The following PSD3 variants were observed in gnomAD, a reference collection of about 807,000 sequenced individuals.
PSD3 encodes PH and SEC7 domain-containing protein 3.
A neutral mutation model predicts 105.5 loss-of-function variants in PSD3; 49 were observed. The observed-to-expected ratio is 0.46, with a 90% CI of 0.37 to 0.59. PSD3 has a LOEUF of 0.59. Ranked by LOEUF, PSD3 falls within the 20% of genes least tolerant of loss-of-function variation. The pLI, the probability that PSD3 is intolerant of heterozygous loss-of-function variation, is 0.00. For missense variants in PSD3, 1,561 were observed against 1,263.8 expected (o/e 1.24, Z -3.57); for synonymous variants, 557 against 457.8 (o/e 1.22, Z -2.77).
intron 4 of PSD3, chr8:18,809,009 GC>G: frequency 8.8e-7 from 1 of 1,135,180 alleles, no homozygotes; most frequent in Non-Finnish European, 1.2e-6. Context: ...GAACACAAGG[GC>G]CACTGTCTAT....
At chr8:18,893,553 T>A (rs1818948445) in intron 2 of PSD3, among the ~76,000 whole-genome samples, 1 of 152,174 alleles carries the variant, frequency 6.6e-6, no homozygotes, top group South Asian at 2.1e-4. Context: ...GTCTCAAGTA[T>A]CAAGTAAAGT....
At chr8:18,791,225 C>A (rs1055846072) in intron 8 of PSD3, among the ~76,000 whole-genome samples, 2 of 152,056 alleles carry the variant, frequency 1.3e-5, no homozygotes, top group Admixed American at 6.5e-5. Context: ...TAGAAAAAAA[C>A]TATTTTAAAA....
At chr8:18,677,932 C>T (rs1800156206) in intron 9 of PSD3, among the ~76,000 whole-genome samples, 1 of 151,214 alleles carries the variant, frequency 6.6e-6, no homozygotes, top group Non-Finnish European at 1.5e-5. Flanking sequence ...GTGGTGTGAA[C>T]CTGGGAGGCA....
In PSD3 at chr8:18,730,875, T is replaced by C. The variant is rs144178858; in HGVS notation, c.2172+34574A>G. Among the ~76,000 whole-genome samples, 653 of 152,174 alleles carry C rather than the reference T, an allele frequency of 4.3e-3. 22 individuals carry two copies. Among genetic ancestry groups the C allele is most frequent in the Admixed American group, 0.035 (530 of 15,274 alleles). ...CACTGAACAAATAAATAGCCGATAATAACATTTTAGAGTTGGCAAGATGGC... is the reference window on the plus strand; with the variant it reads ...CACTGAACAAATAAATAGCCGATAACAACATTTTAGAGTTGGCAAGATGGC... On this transcript the variant is annotated intron_variant, in intron 9 of 15. Coordinates refer to ENST00000327040, the MANE Select transcript of PSD3 (RefSeq NM_015310.4).
intron 12 of PSD3, among the ~76,000 whole-genome samples, chr8:18,577,644 G>T (rs1247508407): frequency 1.3e-5 from 2 of 151,902 alleles, no homozygotes; most frequent in African/African-American, 4.8e-5. Flanking sequence ...CATATAAGAT[G>T]GAAATTTAAA....
chr8:18,874,719 A>T, intron 2 of PSD3, among the ~76,000 whole-genome samples: 1 of 151,346 alleles, frequency 6.6e-6, no homozygotes, highest in Non-Finnish European at 1.5e-5. Context: ...AAAAAAAAAA[A>T]AAAAAATTTG....
At chr8:18,972,420 G>A (rs1824706652) in intron 1 of PSD3, among the ~76,000 whole-genome samples, 1 of 152,204 alleles carries the variant, frequency 6.6e-6, no homozygotes, top group Non-Finnish European at 1.5e-5. Context: ...TTATCACAGG[G>A]TCAGATTTTG....
At chr8:18,696,970 C>T (rs1409898068) in intron 9 of PSD3, among the ~76,000 whole-genome samples, 2 of 152,154 alleles carry the variant, frequency 1.3e-5, no homozygotes, top group African/African-American at 2.4e-5. Context: ...CACGTTGGCT[C>T]ATGTCTATAA....
intron 1 of PSD3, among the ~76,000 whole-genome samples, chr8:19,050,647 G>A (rs1362976409): frequency 6.6e-6 from 1 of 152,084 alleles, no homozygotes; most frequent in Non-Finnish European, 1.5e-5. Context: ...GAGAACACAT[G>A]GACACAGGAA....
chr8:18,688,854 A>G (rs755246394), intron 9 of PSD3, among the ~76,000 whole-genome samples: 6 of 152,260 alleles, frequency 3.9e-5, no homozygotes, highest in Non-Finnish European at 8.8e-5. Flanking sequence ...TTGCTATAAA[A>G]TAAAAGCAGG....
chr8:18,836,886 T>C lies in PSD3; in HGVS notation c.1634+30788A>G, dbSNP rs1165738614. ...TTGATCCACAGTTGGTTTAATGCGA[T>C]GTGGAACTCACAGATACCAGGGCTG... On this transcript the variant is annotated intron_variant, in intron 4 of 15. Transcript: ENST00000327040. 2.8e-5 allele frequency among the ~76,000 whole-genome samples: 4 copies of C among 145,280 alleles called. No homozygotes were observed. In the South Asian group the frequency reaches 6.5e-4, roughly 24 times the overall value.
At chr8:18,936,167 A>G (rs780803529) in intron 1 of PSD3, 25 bp from the exon 2 acceptor site, 1 of 1,495,640 alleles carries the variant, frequency 6.7e-7, no homozygotes. Flanking sequence ...CAAAACAAAG[A>G]CACATTTAAA....
intron 9 of PSD3, among the ~76,000 whole-genome samples, chr8:18,707,546 T>G (rs933727968): frequency 6.6e-6 from 1 of 152,138 alleles, no homozygotes; most frequent in African/African-American, 2.4e-5. Context: ...ATCAATGATC[T>G]TATAAAAACA....
At chr8:18,814,247 C>T (rs1193672250) in intron 4 of PSD3, among the ~76,000 whole-genome samples, 1 of 152,202 alleles carries the variant, frequency 6.6e-6, no homozygotes, top group African/African-American at 2.4e-5. Flanking sequence ...ATTCTGCCCC[C>T]AGCCCCACCC....
At chr8:18,645,784 G>C (rs991189741) in intron 10 of PSD3, among the ~76,000 whole-genome samples, 1 of 152,154 alleles carries the variant, frequency 6.6e-6, no homozygotes, top group Non-Finnish European at 1.5e-5. Flanking sequence ...AGCACCTCAA[G>C]TGGAGAACTG....
intron 9 of PSD3, among the ~76,000 whole-genome samples, 170 bp from the exon 10 acceptor site, chr8:18,655,855 G>C (rs772114929): frequency 7.2e-5 from 11 of 152,106 alleles, no homozygotes; most frequent in Non-Finnish European, 1.3e-4. Flanking sequence ...ATGAGCATTG[G>C]GTGAACAACG....
chr8:18,870,319 A>C (rs537135822), intron 3 of PSD3, among the ~76,000 whole-genome samples: 1 of 152,210 alleles, frequency 6.6e-6, no homozygotes, highest in Non-Finnish European at 1.5e-5. Context: ...ACAACAAATG[A>C]CTACGATCAA....
intron 4 of PSD3, among the ~76,000 whole-genome samples, chr8:18,824,021 C>T (rs1164084673): frequency 6.6e-6 from 1 of 151,928 alleles, no homozygotes; most frequent in Non-Finnish European, 1.5e-5. Context: ...CTAAATAAAA[C>T]AAATTTCCAG....
intron 2 of PSD3, among the ~76,000 whole-genome samples, chr8:18,916,285 T>G: frequency 8.5e-6 from 1 of 117,288 alleles, no homozygotes; most frequent in East Asian, 2.3e-4. Context: ...GCTGAATGGA[T>G]TTAAAAAAAG....
Sources: allele counts gnomAD v4.1 joint callset (sites outside exome capture counted in the v4.1 genomes callset), GRCh38; gene constraint gnomAD v4.1.1; transcripts MANE v1.5; gene names NCBI Gene and HGNC (gene_info 2026-07-23, HGNC 2026-07-21).